Variants in ANKS1B observed in about 807,000 individuals in gnomAD.
ANKS1B encodes the protein ankyrin repeat and sterile alpha motif domain-containing protein 1B.
ANKS1B carries 36 observed loss-of-function variants against 148.3 expected under a neutral mutation model. That is an observed-to-expected ratio of 0.24 (90% CI 0.19 to 0.32). ANKS1B has a LOEUF of 0.32. Among genes scored for constraint, ANKS1B ranks in the 10% least tolerant of loss-of-function variants. ANKS1B has a pLI of 1.00. For synonymous variants in ANKS1B, 542 were observed against 560.8 expected, an observed-to-expected ratio of 0.97 and a Z score of 0.47; for missense variants, 1,157 against 1,542.6, an observed-to-expected ratio of 0.75 and a Z score of 4.19.
At chr12:98,894,083 G>T (rs142212471) in intron 17 of ANKS1B, among the ~76,000 whole-genome samples, 1 of 152,160 alleles carries the variant, frequency 6.6e-6, no homozygotes, top group Non-Finnish European at 1.5e-5. Context: ...CTTAACATTG[G>T]AAAGTCCATG....
At chr12:99,100,687 G>A (rs569789673) in intron 15 of ANKS1B, among the ~76,000 whole-genome samples, 8 of 152,210 alleles carry the variant, frequency 5.3e-5, no homozygotes, top group Admixed American at 2.0e-4. Flanking sequence ...ATGCCATCAC[G>A]CCCAGCTAAG....
intron 12 of ANKS1B, among the ~76,000 whole-genome samples, chr12:99,366,705 C>T (rs1357105271): frequency 6.6e-6 from 1 of 151,988 alleles, no homozygotes; most frequent in African/African-American, 2.4e-5. Flanking sequence ...ATTAATTTTA[C>T]ATAAATGTAA....
chr12:99,826,167 C>T (rs1465454185), intron 1 of ANKS1B, among the ~76,000 whole-genome samples: 1 of 152,160 alleles, frequency 6.6e-6, no homozygotes, highest in Non-Finnish European at 1.5e-5. Flanking sequence ...AACTAGTTCA[C>T]ACATTCACAA....
At chr12:99,139,779 C>T (rs2069937030) in intron 15 of ANKS1B, among the ~76,000 whole-genome samples, 1 of 151,868 alleles carries the variant, frequency 6.6e-6, no homozygotes, top group African/African-American at 2.4e-5. Context: ...ACATTTAGCA[C>T]AGTTAGATGA....
chr12:99,388,921 G>A (rs1404465848), intron 12 of ANKS1B, among the ~76,000 whole-genome samples: 8 of 152,160 alleles, frequency 5.3e-5, no homozygotes, highest in African/African-American at 1.9e-4. Flanking sequence ...ACCAGTGATT[G>A]GAGACCTTAA....
intron 8 of ANKS1B, among the ~76,000 whole-genome samples, chr12:99,701,015 G>A (rs991056290): frequency 1.3e-5 from 2 of 152,146 alleles, no homozygotes; most frequent in African/African-American, 4.8e-5. Context: ...TTCTACAAAG[G>A]TGACCTTTGG....
intron 14 of ANKS1B, among the ~76,000 whole-genome samples, chr12:99,171,900 C>T (rs985026862): frequency 8.6e-5 from 13 of 151,962 alleles, no homozygotes; most frequent in African/African-American, 2.9e-4. Flanking sequence ...GGAACATGTC[C>T]CAGCCTCAAA....
intron 12 of ANKS1B, among the ~76,000 whole-genome samples, chr12:99,268,555 G>A (rs1247297812): frequency 2.0e-5 from 3 of 152,102 alleles, no homozygotes; most frequent in Non-Finnish European, 4.4e-5. Context: ...TGTAATTTTT[G>A]TCCCCAGTGG....
In ANKS1B at chr12:98,922,404, G is replaced by A. The variant is rs186253108; in HGVS notation, c.2779-90268C>T. 9.2e-5 allele frequency among the ~76,000 whole-genome samples: 14 copies of A among 152,202 alleles called. 1 individual carries two copies. The East Asian group carries it at 2.3e-3, about 25-fold the overall frequency. On this transcript the variant is annotated intron_variant, in intron 17 of 26. Coordinates refer to ENST00000683438, the MANE Select transcript of ANKS1B (RefSeq NM_001352186.2). ...CAACAAAAATTCCTGCTCTCTTTAC[G>A]TTGACTCTAATTACTTCACCAGAAA...
chr12:98,857,800 A>G (rs534264409), intron 17 of ANKS1B, among the ~76,000 whole-genome samples: 29 of 152,342 alleles, frequency 1.9e-4, no homozygotes, highest in African/African-American at 6.5e-4. Flanking sequence ...AAGCTAGTTG[A>G]AGATGTAAAG....
intron 15 of ANKS1B, among the ~76,000 whole-genome samples, chr12:99,121,263 C>T (rs1459527397): frequency 6.8e-6 from 1 of 146,894 alleles, no homozygotes; most frequent in Non-Finnish European, 1.5e-5. Context: ...ATGTGATGAT[C>T]TAGAATTAGA....
At chr12:99,312,453 A>T (rs1267153780) in intron 12 of ANKS1B, among the ~76,000 whole-genome samples, 2 of 152,250 alleles carry the variant, frequency 1.3e-5, no homozygotes, top group Admixed American at 1.3e-4. Flanking sequence ...TCTTTTTAGA[A>T]GATCAGTGTG....
intron 9 of ANKS1B, chr12:99,647,746 GT>G (rs1013819774): frequency 5.9e-5 from 11 of 185,258 alleles, no homozygotes; most frequent in Admixed American, 1.1e-4. Flanking sequence ...CTGCGGGGTG[GT>G]TTAGCAGCAG....
Position 99,609,691 on chromosome 12 carries a change from C to T in ANKS1B, c.1272+45376G>A, listed in dbSNP as rs553764454. Among the ~76,000 whole-genome samples the T allele has an allele frequency of 5.4e-4, 82 of 151,990 alleles. 2 individuals are homozygous for T. The highest frequency in any genetic ancestry group is 1.8e-3 in the Admixed American group (27 of 15,248). ...GGGATATTCTCACAAGTCTTAAGGC[C>T]GAACTCTCAGGATGTAAAAACGAGA... On this transcript the variant is annotated intron_variant, in intron 9 of 26. Coordinates refer to ENST00000683438, the MANE Select transcript of ANKS1B (RefSeq NM_001352186.2).
intron 17 of ANKS1B, among the ~76,000 whole-genome samples, chr12:98,966,535 C>A (rs996299433): frequency 2.3e-4 from 35 of 152,080 alleles, no homozygotes; most frequent in African/African-American, 8.2e-4. Flanking sequence ...TTGACCCAGC[C>A]ATCACATTAC....
chr12:99,855,814 T>C (rs534005057), intron 1 of ANKS1B, among the ~76,000 whole-genome samples: 45 of 152,234 alleles, frequency 3.0e-4, no homozygotes, highest in East Asian at 2.7e-3. Flanking sequence ...TGAATGATCA[T>C]TGTGTCAACA....
intron 8 of ANKS1B, among the ~76,000 whole-genome samples, chr12:99,751,377 G>T (rs1456132017): frequency 1.3e-5 from 2 of 151,938 alleles, no homozygotes; most frequent in African/African-American, 4.8e-5. Flanking sequence ...GTAACAAAAT[G>T]CTTCAAGAAA....
intron 17 of ANKS1B, among the ~76,000 whole-genome samples, chr12:98,839,967 G>A (rs923702229): frequency 2.0e-5 from 3 of 152,056 alleles, no homozygotes; most frequent in Non-Finnish European, 2.9e-5. Flanking sequence ...GACTCTAGGC[G>A]CTGAAAAGTC....
intron 9 of ANKS1B, among the ~76,000 whole-genome samples, chr12:99,632,869 C>T (rs2098185597): frequency 1.4e-5 from 2 of 146,644 alleles, no homozygotes; most frequent in South Asian, 4.4e-4. Flanking sequence ...AGTAACTCGT[C>T]ATTTACATCA....
Sources: gnomAD v4.1 joint callset for allele counts (sites outside exome capture counted in the v4.1 genomes callset) on GRCh38, gnomAD v4.1.1 for gene constraint, MANE v1.5 for transcripts, NCBI Gene and HGNC (gene_info 2026-07-23, HGNC 2026-07-21) for gene names.